Variants in FGF12 observed in about 807,000 individuals in gnomAD.
The protein encoded by FGF12 is fibroblast growth factor 12.
FGF12 carries 14 observed loss-of-function variants against 23.6 expected under a neutral mutation model. The observed-to-expected ratio is 0.59, with a 90% CI of 0.39 to 0.93. The LOEUF is 0.93. Among genes scored for constraint, FGF12 ranks in the 40% least tolerant of loss-of-function variants. The probability of loss-of-function intolerance (pLI) is 0.00; values close to 1 mark genes in which losing one functional copy is unlikely to be tolerated. For synonymous variants in FGF12, 62 were observed against 77.3 expected, an observed-to-expected ratio of 0.80 and a Z score of 1.04; for missense variants, 175 against 217.8, an observed-to-expected ratio of 0.80 and a Z score of 1.24.
intron 4 of FGF12, among the ~76,000 whole-genome samples, chr3:192,270,651 C>T (rs548280625): frequency 6.6e-6 from 1 of 151,966 alleles, no homozygotes; most frequent in Non-Finnish European, 1.5e-5. Flanking sequence ...CAAAGGTAAA[C>T]TAAAATGACA....
intron 4 of FGF12, among the ~76,000 whole-genome samples, chr3:192,304,859 T>G (rs985373220): frequency 5.3e-5 from 8 of 152,248 alleles, no homozygotes; most frequent in Non-Finnish European, 1.0e-4. Context: ...TTAGCTTTCT[T>G]GCTGTATAAG....
At chr3:192,509,111 A>C (rs1250415236) in intron 2 of FGF12, among the ~76,000 whole-genome samples, 1 of 152,100 alleles carries the variant, frequency 6.6e-6, no homozygotes, top group Non-Finnish European at 1.5e-5. Flanking sequence ...AGCAAGAGAC[A>C]TATTTCTCTA....
intron 2 of FGF12, among the ~76,000 whole-genome samples, chr3:192,439,167 G>A (rs943552817): frequency 1.3e-5 from 2 of 152,120 alleles, no homozygotes; most frequent in African/African-American, 4.8e-5. Flanking sequence ...ATTGCCTAAA[G>A]CTTTTATTAA....
intron 2 of FGF12, among the ~76,000 whole-genome samples, chr3:192,667,633 A>AC (rs1297605320): frequency 2.7e-4 from 39 of 144,046 alleles, no homozygotes; most frequent in South Asian, 4.4e-4. Context: ...AAAAAAAAAA[A>AC]GTAGGAGATT....
intron 4 of FGF12, among the ~76,000 whole-genome samples, chr3:192,188,738 C>G (rs1057034819): frequency 1.3e-5 from 2 of 152,148 alleles, no homozygotes; most frequent in Non-Finnish European, 2.9e-5. Flanking sequence ...TTTCTATGAG[C>G]GTTGGACTCA....
At chr3:192,611,416 T>C (rs1314712193) in intron 2 of FGF12, among the ~76,000 whole-genome samples, 2 of 152,068 alleles carry the variant, frequency 1.3e-5, no homozygotes, top group African/African-American at 4.8e-5. Context: ...TGCATTAGCA[T>C]GTTTTACGGG....
chr3:192,348,742 T>A (rs1718074556), intron 3 of FGF12, among the ~76,000 whole-genome samples: 1 of 152,152 alleles, frequency 6.6e-6, no homozygotes, highest in Non-Finnish European at 1.5e-5. Context: ...CTAAACTTGC[T>A]GAATTCAAAT....
intron 4 of FGF12, among the ~76,000 whole-genome samples, chr3:192,205,647 C>A (rs551494925): frequency 7.2e-5 from 11 of 152,232 alleles, no homozygotes; most frequent in African/African-American, 2.4e-4. Flanking sequence ...TTAAGAAGTT[C>A]TTGTAAAAAT....
chr3:192,425,680 G>C (rs1189250222), intron 2 of FGF12, among the ~76,000 whole-genome samples: 1 of 152,166 alleles, frequency 6.6e-6, no homozygotes. Flanking sequence ...TAAATCACTA[G>C]CGAATAGAAT....
At chr3:192,439,141 C>G (rs1576982475) in intron 2 of FGF12, among the ~76,000 whole-genome samples, 1 of 152,184 alleles carries the variant, frequency 6.6e-6, no homozygotes, top group South Asian at 2.1e-4. Flanking sequence ...GTCAAAGACT[C>G]AAGCAGGAAT....
chr3:192,639,918 G>T (rs906834286), intron 2 of FGF12, among the ~76,000 whole-genome samples: 21 of 152,014 alleles, frequency 1.4e-4, no homozygotes, highest in African/African-American at 5.1e-4. Flanking sequence ...CCTGCCATTT[G>T]CCACAAAATG....
At chr3:192,560,083 G>A (rs1711949189) in intron 2 of FGF12, among the ~76,000 whole-genome samples, 1 of 151,940 alleles carries the variant, frequency 6.6e-6, no homozygotes, top group Non-Finnish European at 1.5e-5. Flanking sequence ...TCACTAAGAT[G>A]AAGAAAATCT....
chr3:192,284,454 C>G (rs1331795510), intron 4 of FGF12, among the ~76,000 whole-genome samples: 4 of 152,004 alleles, frequency 2.6e-5, no homozygotes, highest in Non-Finnish European at 4.4e-5. Flanking sequence ...ATGTAAAAAA[C>G]ATAGTATTAC....
At chr3:192,200,991 A>C (rs1361378716) in intron 4 of FGF12, among the ~76,000 whole-genome samples, 1 of 152,140 alleles carries the variant, frequency 6.6e-6, no homozygotes, top group African/African-American at 2.4e-5. Flanking sequence ...TGAAAAAGCT[A>C]ATAAAAGCAC....
At chr3:192,710,731 C>T (rs151338634) in intron 2 of FGF12, among the ~76,000 whole-genome samples, 280 of 152,360 alleles carry the variant, frequency 1.8e-3, no homozygotes, top group African/African-American at 5.6e-3. Flanking sequence ...CTGCTCTCCA[C>T]AATCCCAGGA....
At chr3:192,345,218 TAA>T (rs1407270181) in intron 3 of FGF12, among the ~76,000 whole-genome samples, 1 of 152,164 alleles carries the variant, frequency 6.6e-6, no homozygotes, top group Non-Finnish European at 1.5e-5. Flanking sequence ...TCATAGTAGT[TAA>T]AGTCTAAAAT....
chr3:192,531,989 C>T (rs114509102), intron 2 of FGF12, among the ~76,000 whole-genome samples: 8 of 152,188 alleles, frequency 5.3e-5, no homozygotes, highest in African/African-American at 1.9e-4. Context: ...TTCCCAGCAA[C>T]ATTTATTTAA....
chr3:192,445,646 C>CA (rs1387927315), intron 2 of FGF12, among the ~76,000 whole-genome samples: 2 of 152,170 alleles, frequency 1.3e-5, no homozygotes, highest in African/African-American at 4.8e-5. Context: ...GGGGGTCTCT[C>CA]ACGCTTCTCT....
chr3:192,553,985 C>T (rs1368498931), intron 2 of FGF12, among the ~76,000 whole-genome samples: 1 of 152,222 alleles, frequency 6.6e-6, no homozygotes, highest in African/African-American at 2.4e-5. Flanking sequence ...AAAGAAGCCT[C>T]AACTCCTGGC....
Sources: gnomAD v4.1 joint callset for allele counts (sites outside exome capture counted in the v4.1 genomes callset) on GRCh38, gnomAD v4.1.1 for gene constraint, MANE v1.5 for transcripts, NCBI Gene and HGNC (gene_info 2026-07-23, HGNC 2026-07-21) for gene names.